Variants in RFX3 observed in about 807,000 individuals in gnomAD.
The protein encoded by RFX3 is regulatory factor X3.
RFX3 carries 14 observed loss-of-function variants against 98.6 expected under a neutral mutation model. That is an observed-to-expected ratio of 0.14 (90% confidence interval 0.09 to 0.22). RFX3 has a LOEUF of 0.22. RFX3 is among the 10% of genes least tolerant of loss of function. The pLI, the probability that RFX3 is intolerant of heterozygous loss-of-function variation, is 1.00. For missense variants in RFX3, 639 were observed against 926.9 expected (o/e 0.69, Z 4.03); for synonymous variants, 383 against 328.4 (o/e 1.17, Z -1.80).
At chr9:3,308,196 T>C (rs909716178) in intron 4 of RFX3, among the ~76,000 whole-genome samples, 2 of 152,144 alleles carry the variant, frequency 1.3e-5, no homozygotes, top group Admixed American at 6.6e-5. Flanking sequence ...AACGTTAGGA[T>C]ACATAGTGCT....
intron 4 of RFX3, among the ~76,000 whole-genome samples, chr9:3,323,046 T>C (rs1035754292): frequency 1.3e-5 from 2 of 152,180 alleles, no homozygotes; most frequent in African/African-American, 4.8e-5. Flanking sequence ...AAAACTCCTA[T>C]GTCATGAAAT....
chr9:3,410,971 A>C (rs766069497), intron 1 of RFX3, among the ~76,000 whole-genome samples: 5 of 152,152 alleles, frequency 3.3e-5, no homozygotes, highest in Admixed American at 2.0e-4. Flanking sequence ...CTCCCAGTAT[A>C]ACTGACTCAA....
At chr9:3,394,765 TTTCTCACTTATG>T (rs1372059375) in intron 2 of RFX3, 3 of 897,552 alleles carry the variant, frequency 3.3e-6, no homozygotes, top group Non-Finnish European at 4.0e-6. Flanking sequence ...ACATATGATC[TTTCTCACTTATG>T]TTCTCACCAC....
rs538233398 is a variant in RFX3 at position 3,288,268 on chromosome 9, A to G, written c.732-18T>C. The G allele has an allele frequency of 2.5e-6, 4 of 1,608,952 alleles. No individual in the cohort carries two copies. The South Asian group carries it at 4.4e-5, about 18-fold the overall frequency. ...AGTTTCCTCTTCATTAATGAACAAG[A>G]AACATTAGAAACAAAAGTCAGTCAA... On this transcript the variant is annotated intron_variant, in intron 6 of 16. Transcript: ENST00000617270.
At chr9:3,508,927 C>G (rs1369286552) in intron 1 of RFX3, among the ~76,000 whole-genome samples, 1 of 151,508 alleles carries the variant, frequency 6.6e-6, no homozygotes, top group African/African-American at 2.4e-5. Flanking sequence ...AGTCTGAGCT[C>G]ACTGATTTAC....
intron 1 of RFX3, among the ~76,000 whole-genome samples, chr9:3,448,847 A>C (rs1030093658): frequency 6.6e-6 from 1 of 152,158 alleles, no homozygotes; most frequent in Non-Finnish European, 1.5e-5. Context: ...ACTGCAATAA[A>C]CTACCTAAAT....
chr9:3,387,206 G>GT (rs1254390822), intron 2 of RFX3, among the ~76,000 whole-genome samples: 1 of 151,926 alleles, frequency 6.6e-6, no homozygotes, highest in African/African-American at 2.4e-5. Flanking sequence ...TAAGCACTTT[G>GT]TATCAAATTC....
chr9:3,433,279 A>G (rs892922870), intron 1 of RFX3, among the ~76,000 whole-genome samples: 2 of 152,052 alleles, frequency 1.3e-5, no homozygotes, highest in Non-Finnish European at 2.9e-5. Context: ...CACTTCCCCA[A>G]GACAGCATGA....
At chr9:3,418,199 C>A (rs1045442213) in intron 1 of RFX3, among the ~76,000 whole-genome samples, 4 of 152,146 alleles carry the variant, frequency 2.6e-5, no homozygotes, top group African/African-American at 9.7e-5. Context: ...AGTTTCTCAA[C>A]TGTAAAATAA....
Position 3,418,381 on chromosome 9 carries a change from G to C in RFX3, c.-8-22785C>G, listed in dbSNP as rs141705348. On this transcript the variant is annotated intron_variant, in intron 1 of 16. Coordinates refer to ENST00000617270, the MANE Select transcript of RFX3 (RefSeq NM_001282116.2). ...ATTTATAAATACTTGAAGCTTTTTT[G>C]TTTTTGTTTTTTTTTGGAGATGGAG... 5.2e-3 allele frequency among the ~76,000 whole-genome samples: 791 copies of C among 151,902 alleles called. 9 individuals carry two copies. The highest frequency in any genetic ancestry group is 8.0e-3 in the Admixed American group (122 of 15,252).
chr9:3,443,072 C>G (rs888700455), intron 1 of RFX3, among the ~76,000 whole-genome samples: 2 of 152,004 alleles, frequency 1.3e-5, no homozygotes, highest in South Asian at 4.1e-4. Flanking sequence ...GACAGTCACT[C>G]AAGAAGATAT....
At chr9:3,295,213 G>GT (rs371119901) in intron 5 of RFX3, among the ~76,000 whole-genome samples, 2,585 of 148,368 alleles carry the variant, frequency 0.017, 68 homozygotes, top group African/African-American at 0.058. Context: ...TCTCTTTAGT[G>GT]TTTTTTTTTT....
intron 2 of RFX3, among the ~76,000 whole-genome samples, chr9:3,376,249 G>C (rs1298052049): frequency 1.3e-5 from 2 of 152,124 alleles, no homozygotes; most frequent in African/African-American, 2.4e-5. Flanking sequence ...ATATAAAATA[G>C]TATAACCAGT....
intron 4 of RFX3, among the ~76,000 whole-genome samples, chr9:3,329,106 C>G (rs529200992): frequency 6.6e-6 from 1 of 152,130 alleles, no homozygotes; most frequent in South Asian, 2.1e-4. Flanking sequence ...TTTCAGTACG[C>G]TAAAATACAT....
In RFX3 at chr9:3,288,114, A is replaced by G; in HGVS notation, c.851+17T>C. On this transcript the variant is annotated intron_variant, in intron 7 of 16. Coordinates refer to ENST00000617270, the MANE Select transcript of RFX3 (RefSeq NM_001282116.2). ...AATACATAGCTTGGACACATCAATG[A>G]TAACTTCAGAGTCTACCTTTGTTTC... The G allele has an allele frequency of 6.2e-7, 1 of 1,612,060 alleles. No individual in the cohort carries two copies. The highest frequency in any genetic ancestry group is 8.5e-7 in the Non-Finnish European group (1 of 1,178,468).
intron 4 of RFX3, among the ~76,000 whole-genome samples, chr9:3,328,364 A>C (rs2130853502): frequency 6.6e-6 from 1 of 152,278 alleles, no homozygotes; most frequent in South Asian, 2.1e-4. Flanking sequence ...AATGGTGCTA[A>C]AGCTAGGAGG....
intron 4 of RFX3, among the ~76,000 whole-genome samples, chr9:3,311,574 T>G (rs1416827038): frequency 6.6e-6 from 1 of 152,174 alleles, no homozygotes; most frequent in Non-Finnish European, 1.5e-5. Flanking sequence ...ATCAAAATCA[T>G]TTGGGTACCT....
At chr9:3,480,156 G>A (rs1306342461) in intron 1 of RFX3, among the ~76,000 whole-genome samples, 1 of 152,186 alleles carries the variant, frequency 6.6e-6, no homozygotes, top group African/African-American at 2.4e-5. Context: ...TCTGCAATCT[G>A]AGCAGGGCTC....
chr9:3,259,618 G>A (rs1338863104), intron 13 of RFX3, among the ~76,000 whole-genome samples: 4 of 151,582 alleles, frequency 2.6e-5, no homozygotes, highest in South Asian at 2.1e-4. Flanking sequence ...TCAGCCCACC[G>A]AAAGCTATTT....
Sources: gnomAD v4.1 joint callset for allele counts (sites outside exome capture counted in the v4.1 genomes callset) on GRCh38, gnomAD v4.1.1 for gene constraint, MANE v1.5 for transcripts, NCBI Gene and HGNC (gene_info 2026-07-23, HGNC 2026-07-21) for gene names.